Variants in REEP5 observed in about 807,000 individuals in gnomAD.
REEP5 encodes the protein receptor expression-enhancing protein 5.
REEP5 carries 24 observed loss-of-function variants against 22.4 expected under a neutral mutation model. The observed-to-expected ratio is 1.07, with a 90% CI of 0.78 to 1.51. The LOEUF (loss-of-function observed/expected upper bound fraction) is 1.51. Ranked by LOEUF, REEP5 falls within the 40% of genes most tolerant of loss-of-function variation. The probability of loss-of-function intolerance (pLI) is 0.00; values close to 1 mark genes in which losing one functional copy is unlikely to be tolerated. For missense variants in REEP5, 252 were observed against 233.0 expected (o/e 1.08, Z -0.53); for synonymous variants, 103 against 88.6 (o/e 1.16, Z -0.92).
At chr5:112,886,972 C>T in intron 4 of REEP5, 43 bp downstream of exon 4, 1 of 1,449,800 alleles carries the variant, frequency 6.9e-7, no homozygotes, top group South Asian at 1.3e-5. Flanking sequence ...CAGTGTGTCA[C>T]ATCTCCTCTC....
chr5:112,908,285 T>C lies in REEP5; in HGVS notation c.213-5767A>G, dbSNP rs539967955. On this transcript the variant is annotated intron_variant, in intron 2 of 4. Coordinates refer to ENST00000379638, the MANE Select transcript of REEP5 (RefSeq NM_005669.5). The stretch of plus-strand genomic sequence containing the variant: ...CCCGCTAGTTTTTTTGTATTTTTAG[T>C]AGAGACAGGGTTTCACCATGTTGGC... Among the ~76,000 whole-genome samples, 11 of 152,004 alleles carry C rather than the reference T, an allele frequency of 7.2e-5. No homozygotes were observed. The East Asian group carries it at 2.1e-3, about 30-fold the overall frequency.
At chr5:112,914,176 G>A (rs370495791) in intron 2 of REEP5, among the ~76,000 whole-genome samples, 1 of 151,552 alleles carries the variant, frequency 6.6e-6, no homozygotes, top group Non-Finnish European at 1.5e-5. Context: ...AGGCTGGAGT[G>A]CAGTGGCGCA....
chr5:112,895,382 T>C (rs936673583), intron 3 of REEP5: 16 of 152,152 alleles, frequency 1.1e-4, no homozygotes, highest in African/African-American at 3.6e-4. Flanking sequence ...AATAGAATAG[T>C]AGTATTACCA....
At chr5:112,888,573 A>G (rs1192560266) in intron 3 of REEP5, among the ~76,000 whole-genome samples, 1 of 139,328 alleles carries the variant, frequency 7.2e-6, no homozygotes, top group Non-Finnish European at 1.5e-5. Context: ...GCAGGCATGA[A>G]CCACCAGGCC....
intron 2 of REEP5, among the ~76,000 whole-genome samples, chr5:112,906,563 G>A (rs1265821358): frequency 6.6e-6 from 1 of 152,126 alleles, no homozygotes; most frequent in Non-Finnish European, 1.5e-5. Context: ...GATCCCTGGA[G>A]GTCCATTCTA....
At chr5:112,891,316 G>A (rs1270769137) in intron 3 of REEP5, among the ~76,000 whole-genome samples, 5 of 151,760 alleles carry the variant, frequency 3.3e-5, no homozygotes, top group African/African-American at 9.7e-5. Context: ...CAGGTGATCC[G>A]CCCATTTCGG....
chr5:112,887,904 A>C (rs712664), intron 3 of REEP5, among the ~76,000 whole-genome samples: 53,498 of 151,866 alleles, frequency 0.35, 9,641 homozygotes, highest in African/African-American at 0.44. Context: ...TCGTCACTTC[A>C]AGTCATCCAT....
rs1767966954 is a variant in REEP5, at chr5:112,878,588, T to G, written c.*198A>C. Reference sequence around the variant, plus strand: ...TTCCAAAAACGTGGACACTGCCCACTGCATTAAGTTTAAAGTGCTCCCTAT... The same window carrying G: ...TTCCAAAAACGTGGACACTGCCCACGGCATTAAGTTTAAAGTGCTCCCTAT... On this transcript the variant is annotated 3_prime_UTR_variant, in exon 5 of 5. Coordinates refer to ENST00000379638, the MANE Select transcript of REEP5 (RefSeq NM_005669.5). 5 of 714,266 alleles carry G rather than the reference T, an allele frequency of 7.0e-6. No individual in the cohort carries two copies. In the East Asian group the frequency reaches 1.4e-4, roughly 21 times the overall value. 44.2% of individuals were successfully genotyped at this position (714,266 alleles called of 1,614,324 possible).
In REEP5 at chr5:112,878,781, C is replaced by G. The variant is rs372080338; in HGVS notation, c.*5G>C. On this transcript the variant is annotated 3_prime_UTR_variant, in exon 5 of 5. Coordinates refer to ENST00000379638, the MANE Select transcript of REEP5 (RefSeq NM_005669.5). ...AGAGGGCAGGAAGTTTCCATCCAGT[C>G]TGGTTTAGGTGCTCTTCTTTTCTTC... The G allele has an allele frequency of 6.2e-7, 1 of 1,614,104 alleles. No individual in the cohort carries two copies. The highest frequency in any genetic ancestry group is 1.1e-5 in the South Asian group (1 of 91,082).
intron 4 of REEP5, among the ~76,000 whole-genome samples, chr5:112,883,613 C>CA (rs1768142821): frequency 6.6e-6 from 1 of 152,196 alleles, no homozygotes; most frequent in African/African-American, 2.4e-5. Flanking sequence ...CATCTAGTCT[C>CA]ATGCTTAATA....
chr5:112,919,487 C>T (rs954205525), intron 2 of REEP5, among the ~76,000 whole-genome samples: 3 of 151,872 alleles, frequency 2.0e-5, no homozygotes, highest in Admixed American at 6.6e-5. Context: ...GGGGTGGGGG[C>T]GGCCAGGGAT....
intron 2 of REEP5, among the ~76,000 whole-genome samples, chr5:112,903,896 T>A (rs1006490391): frequency 3.9e-5 from 6 of 152,214 alleles, no homozygotes; most frequent in Non-Finnish European, 5.9e-5. Flanking sequence ...AGTTGCACAA[T>A]AATAGCTCAC....
chr5:112,891,983 A>G, intron 3 of REEP5: 3 of 1,246,378 alleles, frequency 2.4e-6, no homozygotes, highest in Non-Finnish European at 3.6e-6. Context: ...TTAAAGGAAC[A>G]ATGGAAAGAA....
At chr5:112,919,409 G>T (rs575129820) in intron 2 of REEP5, among the ~76,000 whole-genome samples, 1 of 151,792 alleles carries the variant, frequency 6.6e-6, no homozygotes, top group Admixed American at 6.6e-5. Flanking sequence ...TTACTCAGGC[G>T]TGGTGGCACA....
At chr5:112,882,962 T>TA (rs559723426) in intron 4 of REEP5, among the ~76,000 whole-genome samples, 1 of 152,188 alleles carries the variant, frequency 6.6e-6, no homozygotes, top group Non-Finnish European at 1.5e-5. Context: ...TCCCTGCTGT[T>TA]ACCATAAACT....
intron 4 of REEP5, among the ~76,000 whole-genome samples, chr5:112,884,742 T>A (rs1240719041): frequency 6.6e-6 from 1 of 150,964 alleles, no homozygotes; most frequent in East Asian, 1.9e-4. Context: ...TTCCTAAACG[T>A]CTCTATTTAA....
chr5:112,914,067 G>C (rs916583102), intron 2 of REEP5, among the ~76,000 whole-genome samples: 1 of 150,992 alleles, frequency 6.6e-6, no homozygotes, highest in African/African-American at 2.4e-5. Context: ...ACCTGAGCTT[G>C]AGAAAGTCAA....
intron 2 of REEP5, among the ~76,000 whole-genome samples, chr5:112,920,492 T>A (rs1561662013): frequency 3.3e-5 from 5 of 152,112 alleles, no homozygotes. Context: ...TTAAAAAAAA[T>A]AAACACATTG....
chr5:112,892,433 G>T, intron 3 of REEP5: 1 of 1,614,138 alleles, frequency 6.2e-7, no homozygotes, highest in Admixed American at 1.7e-5. Flanking sequence ...AAGGTCAGCT[G>T]CAATTTGGAA....
Sources: gnomAD v4.1 joint callset for allele counts (sites outside exome capture counted in the v4.1 genomes callset) on GRCh38, gnomAD v4.1.1 for gene constraint, MANE v1.5 for transcripts, NCBI Gene and HGNC (gene_info 2026-07-23, HGNC 2026-07-21) for gene names.